The following SPAG17 variants were observed in gnomAD, a reference collection of about 807,000 sequenced individuals.
SPAG17 encodes the protein sperm associated antigen 17, also known as sperm-associated antigen 17.
In SPAG17, 169 loss-of-function variants were observed where a neutral mutation model predicts 273.6. The observed-to-expected ratio is 0.62, with a 90% CI of 0.55 to 0.70. The LOEUF (loss-of-function observed/expected upper bound fraction) is 0.70, where lower values mean the gene tolerates loss of function less well. Among genes scored for constraint, SPAG17 ranks in the 30% least tolerant of loss-of-function variants. The pLI, the probability that SPAG17 is intolerant of heterozygous loss-of-function variation, is 0.00. For missense variants in SPAG17, 2,557 were observed against 2,627.8 expected (o/e 0.97, Z 0.59); for synonymous variants, 825 against 873.2 (o/e 0.94, Z 0.97).
In SPAG17 at chr1:118,055,799, A is replaced by C. The variant is rs186279813; in HGVS notation, c.2656T>G (p.Leu886Val). The C allele has an allele frequency of 6.2e-7, 1 of 1,613,202 alleles. No homozygotes were observed. ...AGTTTGGCATTAGCAGAAGATTTCAATTCCAGCTCAGCTCTGGTCCTGATG... is the reference window on the plus strand; with the variant it reads ...AGTTTGGCATTAGCAGAAGATTTCACTTCCAGCTCAGCTCTGGTCCTGATG... ...KIIRTRAELE[L>V]KSSANAKLTS... The change falls in exon 19 of 49, where the codon TTG becomes GTG. Residue 886 changes from leucine (L) to valine (V), a missense_variant. Leu to Val is a conservative substitution (Grantham distance 32). Coordinates refer to ENST00000336338, the MANE Select transcript of SPAG17 (RefSeq NM_206996.4).
In SPAG17 at chr1:118,119,489, G is replaced by A. The variant is rs571112545; in HGVS notation, c.316-4048C>T. Among the ~76,000 whole-genome samples the A allele has an allele frequency of 2.1e-4, 32 of 152,192 alleles. 1 individual carries two copies. The highest frequency in any genetic ancestry group is 3.4e-4 in the Non-Finnish European group (23 of 68,026). ...GAGCTCCAAATATCCACCAGTTTCCGACTAAAAGAATCCTTTGGCTTCAGG... is the reference window on the plus strand; with the variant it reads ...GAGCTCCAAATATCCACCAGTTTCCAACTAAAAGAATCCTTTGGCTTCAGG... On this transcript the variant is annotated intron_variant, in intron 3 of 48. Coordinates refer to ENST00000336338, the MANE Select transcript of SPAG17 (RefSeq NM_206996.4).
At chr1:117,966,432 T>G in intron 47 of SPAG17, 177 bp downstream of exon 47, 1 of 533,520 alleles carries the variant, frequency 1.9e-6, no homozygotes. Flanking sequence ...AGGTATTTTT[T>G]TAGATTTGGC....
intron 24 of SPAG17, among the ~76,000 whole-genome samples, chr1:118,035,778 G>C (rs1033206204): frequency 3.3e-5 from 5 of 152,122 alleles, no homozygotes; most frequent in African/African-American, 1.2e-4. Flanking sequence ...AATATGTTGT[G>C]GTTAGATCCC....
At chr1:118,069,888 T>C (rs1653403605) in intron 17 of SPAG17, among the ~76,000 whole-genome samples, 1 of 152,168 alleles carries the variant, frequency 6.6e-6, no homozygotes, top group African/African-American at 2.4e-5. Flanking sequence ...GGATAAGCTC[T>C]GCAATGCTGT....
intron 1 of SPAG17, among the ~76,000 whole-genome samples, chr1:118,163,540 CCTTT>C (rs1326109177): frequency 6.6e-6 from 1 of 151,072 alleles, no homozygotes; most frequent in African/African-American, 2.4e-5. Context: ...ATTCCTTCTT[CCTTT>C]TTTTTTTTTT....
chr1:118,134,352 AT>A (rs781425205), intron 3 of SPAG17, among the ~76,000 whole-genome samples: 25 of 152,222 alleles, frequency 1.6e-4, no homozygotes, highest in Non-Finnish European at 3.1e-4. Flanking sequence ...TATAATTCCT[AT>A]TTTATAACAA....
intron 1 of SPAG17, among the ~76,000 whole-genome samples, chr1:118,167,210 GA>G (rs1660210682): frequency 6.6e-6 from 1 of 152,020 alleles, no homozygotes; most frequent in Non-Finnish European, 1.5e-5. Context: ...CAAATTCTCT[GA>G]TTTTTTTAAA....
intron 32 of SPAG17, among the ~76,000 whole-genome samples, chr1:118,001,721 A>G (rs1014087689): frequency 6.6e-6 from 1 of 151,890 alleles, no homozygotes; most frequent in African/African-American, 2.4e-5. Flanking sequence ...TTTCTGCTTT[A>G]TTAGTCTTCC....
intron 19 of SPAG17, 133 bp downstream of exon 19, chr1:118,055,600 A>G: frequency 2.9e-6 from 2 of 682,754 alleles, no homozygotes; most frequent in Non-Finnish European, 4.9e-6. Context: ...TTTACTAGAG[A>G]AAGTGAAGAG....
chr1:118,162,617 T>G (rs951049632), intron 1 of SPAG17, among the ~76,000 whole-genome samples: 56 of 152,344 alleles, frequency 3.7e-4, no homozygotes, highest in African/African-American at 1.3e-3. Context: ...TATCATATTG[T>G]TCATCCAAAT....
rs76379791 is a variant in SPAG17, at chr1:118,167,007, T to C, written c.88-15638A>G. On this transcript the variant is annotated intron_variant, in intron 1 of 48. Coordinates refer to ENST00000336338, the MANE Select transcript of SPAG17 (RefSeq NM_206996.4). ...TTTCATGTCTGACAATGCTCACTTA[T>C]GTTTAACTACATAACACATTATGTT... 5.2e-4 allele frequency among the ~76,000 whole-genome samples: 79 copies of C among 152,298 alleles called. No individual in the cohort carries two copies. In the East Asian group the frequency reaches 0.011, roughly 22 times the overall value.
intron 43 of SPAG17, among the ~76,000 whole-genome samples, chr1:117,974,154 A>G (rs1384793495): frequency 2.0e-5 from 3 of 152,094 alleles, no homozygotes; most frequent in Admixed American, 6.6e-5. Context: ...TTTTGATAGA[A>G]CAATTTCTTT....
chr1:118,086,754 C>A lies in SPAG17; in HGVS notation c.1528G>T (p.Glu510Ter). The A allele has an allele frequency of 6.2e-7, 1 of 1,614,100 alleles. No individual in the cohort carries two copies. The highest frequency in any genetic ancestry group is 1.1e-5 in the South Asian group (1 of 91,082). Residue 510 changes from glutamate to a stop codon, truncating the protein, a stop_gained, in exon 12 of 49, where the codon GAA (glutamate) becomes TAA (stop). Coordinates refer to ENST00000336338, the MANE Select transcript of SPAG17 (RefSeq NM_206996.4). LOFTEE classifies it high-confidence loss of function. ...NLHDIFLSEE[E>*]NESKAVPKGP... ...TTGGGCACTGCTTTGCTTTCATTTT[C>A]TTCTTCAGATAAAAATATGTCATGA...
intron 3 of SPAG17, among the ~76,000 whole-genome samples, chr1:118,148,919 G>A (rs951443480): frequency 6.6e-6 from 1 of 152,210 alleles, no homozygotes; most frequent in South Asian, 2.1e-4. Context: ...AAGGGACTGA[G>A]ATGGGAAATA....
chr1:118,103,019 C>T (rs1245949599), intron 4 of SPAG17, among the ~76,000 whole-genome samples: 1 of 152,198 alleles, frequency 6.6e-6, no homozygotes, highest in African/African-American at 2.4e-5. Flanking sequence ...GCAGGGGCTT[C>T]AAGTGTCACT....
intron 17 of SPAG17, among the ~76,000 whole-genome samples, chr1:118,069,012 T>C (rs1006780948): frequency 6.6e-6 from 1 of 152,086 alleles, no homozygotes; most frequent in African/African-American, 2.4e-5. Context: ...TGGAAGCAGG[T>C]AATCAGGAGG....
At chr1:118,061,919 A>C (rs1021523859) in intron 18 of SPAG17, among the ~76,000 whole-genome samples, 4 of 152,230 alleles carry the variant, frequency 2.6e-5, no homozygotes, top group African/African-American at 9.7e-5. Context: ...GAGAAAATAA[A>C]AGGACAAAAT....
chr1:118,126,902 A>G (rs1657767836), intron 3 of SPAG17, among the ~76,000 whole-genome samples: 1 of 152,148 alleles, frequency 6.6e-6, no homozygotes, highest in African/African-American at 2.4e-5. Context: ...ATTCTTCTGC[A>G]TATGGATATC....
intron 17 of SPAG17, among the ~76,000 whole-genome samples, chr1:118,072,793 A>C (rs1027510467): frequency 2.6e-5 from 4 of 152,138 alleles, no homozygotes; most frequent in Middle Eastern, 3.2e-3. Flanking sequence ...TGCTAATGTG[A>C]ATGTGGGGGT....
Sources: allele counts gnomAD v4.1 joint callset (sites outside exome capture counted in the v4.1 genomes callset), GRCh38; gene constraint gnomAD v4.1.1; transcripts MANE v1.5; gene names NCBI Gene and HGNC (gene_info 2026-07-23, HGNC 2026-07-21).